The following TDP1 variants were observed in gnomAD, a reference collection of about 807,000 sequenced individuals.
The protein encoded by TDP1 is tyr-DNA phosphodiesterase 1.
A neutral mutation model predicts 81.5 loss-of-function variants in TDP1; 64 were observed. That is an observed-to-expected ratio of 0.79 (90% CI 0.64 to 0.97). The LOEUF (loss-of-function observed/expected upper bound fraction) is 0.97. TDP1 is among the 50% of genes least tolerant of loss of function. The pLI is 0.00. For synonymous variants in TDP1, 256 were observed against 264.3 expected, an observed-to-expected ratio of 0.97 and a Z score of 0.30; for missense variants, 723 against 743.8, an observed-to-expected ratio of 0.97 and a Z score of 0.33.
chr14:89,980,682 C>A, intron 8 of TDP1, 50 bp downstream of exon 8: 1 of 1,404,126 alleles, frequency 7.1e-7, no homozygotes. Context: ...TGATAAAGGT[C>A]AAAAGCCAGA....
chr14:90,022,936 A>G, intron 15 of TDP1: 1 of 726,176 alleles, frequency 1.4e-6, no homozygotes, highest in Non-Finnish European at 2.4e-6. Flanking sequence ...CTCAAAGCAT[A>G]CCCCAGGCTC....
chr14:90,033,885 G>A (rs772739757), intron 16 of TDP1, among the ~76,000 whole-genome samples: 1 of 152,096 alleles, frequency 6.6e-6, no homozygotes, highest in Non-Finnish European at 1.5e-5. Flanking sequence ...CCAACATAGC[G>A]AGAACCAGTA....
At chr14:89,958,777 G>T (rs1177246860) in intron 2 of TDP1, among the ~76,000 whole-genome samples, 2 of 152,186 alleles carry the variant, frequency 1.3e-5, no homozygotes, top group African/African-American at 4.8e-5. Flanking sequence ...TGCAGGTGGG[G>T]TTTCACTGGG....
chr14:90,016,411 C>G (rs77099340), intron 14 of TDP1, among the ~76,000 whole-genome samples: 4 of 152,108 alleles, frequency 2.6e-5, no homozygotes, highest in Non-Finnish European at 5.9e-5. Context: ...CTCACACCCT[C>G]CCAAGTCCTC....
chr14:89,959,188 C>A (rs1164714405), intron 2 of TDP1, among the ~76,000 whole-genome samples: 3 of 152,216 alleles, frequency 2.0e-5, no homozygotes, highest in Non-Finnish European at 4.4e-5. Flanking sequence ...ATATTGTATT[C>A]TGATTCTTTC....
intron 16 of TDP1, among the ~76,000 whole-genome samples, chr14:90,038,704 G>A (rs1888061861): frequency 6.6e-6 from 1 of 152,120 alleles, no homozygotes; most frequent in Non-Finnish European, 1.5e-5. Flanking sequence ...TGGGTGTGGT[G>A]GCACATGCCT....
intron 15 of TDP1, among the ~76,000 whole-genome samples, chr14:90,029,995 G>T (rs1887099162): frequency 6.6e-6 from 1 of 152,240 alleles, no homozygotes; most frequent in African/African-American, 2.4e-5. Context: ...GTAGCCCTAT[G>T]AATTAGGTGC....
In TDP1 at chr14:89,963,817, C is replaced by T. The variant is rs543670108; in HGVS notation, c.559+144C>T. 7 of 894,510 alleles carry T rather than the reference C, an allele frequency of 7.8e-6. No individual in the cohort carries two copies. The East Asian group carries it at 1.3e-4, about 17-fold the overall frequency. 55.4% of individuals were successfully genotyped at this position (894,510 alleles called of 1,614,324 possible). Reference sequence around the variant, plus strand: ...TTTCAGGAAAAAAATTCTTGACAGGCAAGTGCATTAGTATAACAGCAGACT... The same window carrying T: ...TTTCAGGAAAAAAATTCTTGACAGGTAAGTGCATTAGTATAACAGCAGACT... On this transcript the variant is annotated intron_variant, in intron 3 of 16. Transcript: ENST00000335725.
At position 90,012,694 on chromosome 14, in the gene TDP1, C is replaced by T. The variant is rs184345350; in HGVS notation, c.1542-6622C>T. 1.0e-3 allele frequency among the ~76,000 whole-genome samples: 156 copies of T among 152,116 alleles called. 4 individuals carry two copies. In the East Asian group the frequency reaches 0.027, roughly 27 times the overall value. On this transcript the variant is annotated intron_variant, in intron 14 of 16. Transcript: ENST00000335725. ...GGGGTAGGAACCCCCACACAGAGTC[C>T]CTACTGGGGCACTGCCTAGTGGAGC...
intron 14 of TDP1, among the ~76,000 whole-genome samples, chr14:90,005,920 G>A (rs1897636709): frequency 6.6e-6 from 1 of 152,136 alleles, no homozygotes; most frequent in South Asian, 2.1e-4. Flanking sequence ...TTGTCATTTT[G>A]GATTATTGAT....
At chr14:90,014,348 T>C (rs530744292) in intron 14 of TDP1, among the ~76,000 whole-genome samples, 1 of 152,250 alleles carries the variant, frequency 6.6e-6, no homozygotes, top group South Asian at 2.1e-4. Flanking sequence ...CTAAGAGTAA[T>C]ACAAGAAAAC....
intron 15 of TDP1, among the ~76,000 whole-genome samples, chr14:90,029,149 A>G (rs547239559): frequency 1.3e-5 from 2 of 151,246 alleles, no homozygotes; most frequent in South Asian, 4.2e-4. Context: ...GAAGGAATGT[A>G]GGACCAAGAA....
At chr14:90,033,342 G>C (rs1424656498) in intron 16 of TDP1, 128 bp downstream of exon 16, 1 of 713,816 alleles carries the variant, frequency 1.4e-6, no homozygotes. Flanking sequence ...GTTTGCAGAG[G>C]GCCCTTTGCC....
chr14:90,016,908 A>G (rs1298519263), intron 14 of TDP1, among the ~76,000 whole-genome samples: 1 of 152,180 alleles, frequency 6.6e-6, no homozygotes, highest in African/African-American at 2.4e-5. Flanking sequence ...AGTAAATTAA[A>G]TACCCCACCC....
chr14:90,016,355 A>AT (rs1181775926), intron 14 of TDP1, among the ~76,000 whole-genome samples: 1 of 152,120 alleles, frequency 6.6e-6, no homozygotes, highest in Non-Finnish European at 1.5e-5. Context: ...GACAGCAGCC[A>AT]TTTTTATAAC....
chr14:89,993,587 A>G (rs1268868604), intron 14 of TDP1, 104 bp downstream of exon 14: 5 of 1,521,026 alleles, frequency 3.3e-6, no homozygotes, highest in East Asian at 4.9e-5. Flanking sequence ...GTGAGTTGTC[A>G]TTAGTTTTCA....
At chr14:89,986,699 C>T (rs1016882506) in intron 10 of TDP1, among the ~76,000 whole-genome samples, 1 of 152,194 alleles carries the variant, frequency 6.6e-6, no homozygotes, top group Non-Finnish European at 1.5e-5. Flanking sequence ...CCTTCAGGGG[C>T]TGAGCACTGC....
chr14:89,983,037 C>A, intron 8 of TDP1: 4 of 437,464 alleles, frequency 9.1e-6, no homozygotes, highest in Non-Finnish European at 1.8e-5. Flanking sequence ...ATAATTTTCT[C>A]ATTTTGTGAT....
intron 14 of TDP1, among the ~76,000 whole-genome samples, chr14:90,008,110 ATTTC>A (rs1449305441): frequency 6.6e-6 from 1 of 152,104 alleles, no homozygotes; most frequent in Non-Finnish European, 1.5e-5. Flanking sequence ...GGTTTGTTGT[ATTTC>A]TTCACTCTAA....
Sources: allele counts gnomAD v4.1 joint callset (sites outside exome capture counted in the v4.1 genomes callset), GRCh38; gene constraint gnomAD v4.1.1; transcripts MANE v1.5; gene names NCBI Gene and HGNC (gene_info 2026-07-23, HGNC 2026-07-21).